The following ADGRV1 variants were observed in gnomAD, a reference collection of about 807,000 sequenced individuals.
ADGRV1 encodes adhesion G protein-coupled receptor V1.
ADGRV1 carries 359 observed loss-of-function variants against 596.2 expected under a neutral mutation model. The ratio of observed to expected loss-of-function variants is 0.60; its 90% CI spans 0.55 to 0.66. The LOEUF is 0.66. Ranked by LOEUF, ADGRV1 falls within the 30% of genes least tolerant of loss-of-function variation. ADGRV1 has a pLI of 0.00. For missense variants in ADGRV1, 7,274 were observed against 7,575.6 expected (o/e 0.96, Z 1.48); for synonymous variants, 2,681 against 2,679.2 (o/e 1.00, Z -0.02).
intron 70 of ADGRV1, chr5:90,791,738 A>AG (rs1221262665): frequency 6.1e-6 from 1 of 163,360 alleles, no homozygotes; most frequent in East Asian, 1.7e-4. Context: ...GCAATGAAAT[A>AG]GATTACATGA....
At chr5:90,988,875 G>A (rs1259826879) in intron 85 of ADGRV1, among the ~76,000 whole-genome samples, 17 of 143,096 alleles carry the variant, frequency 1.2e-4, no homozygotes, top group Admixed American at 2.3e-4. Context: ...CCACCTATGA[G>A]TAAGAACATG....
chr5:90,741,360 T>C (rs7725597), intron 50 of ADGRV1, among the ~76,000 whole-genome samples: 7,827 of 122,580 alleles, frequency 0.064, 675 homozygotes, highest in African/African-American at 0.23. Context: ...TCCTAAGATA[T>C]ACAACTTGAG....
intron 38 of ADGRV1, among the ~76,000 whole-genome samples, chr5:90,708,237 TTAA>T (rs1190988354): frequency 6.6e-6 from 1 of 152,162 alleles, no homozygotes; most frequent in African/African-American, 2.4e-5. Context: ...GGACTGGTGA[TTAA>T]TAATAATAGC....
At chr5:90,966,992 G>A (rs1048994988) in intron 84 of ADGRV1, among the ~76,000 whole-genome samples, 1 of 152,186 alleles carries the variant, frequency 6.6e-6, no homozygotes, top group African/African-American at 2.4e-5. Context: ...TGTGGGACTT[G>A]ATGATGTAGC....
At chr5:91,039,565 AG>A (rs1785169259) in intron 85 of ADGRV1, among the ~76,000 whole-genome samples, 1 of 152,192 alleles carries the variant, frequency 6.6e-6, no homozygotes, top group African/African-American at 2.4e-5. Flanking sequence ...CCACAAGAAG[AG>A]GGGATTTTAT....
chr5:90,592,208 C>A (rs1210193356), intron 1 of ADGRV1, among the ~76,000 whole-genome samples: 1 of 152,236 alleles, frequency 6.6e-6, no homozygotes, highest in Non-Finnish European at 1.5e-5. Context: ...AAATATGGAA[C>A]TAGCCCAAAT....
chr5:90,643,207 T>TG (rs1767224081), intron 13 of ADGRV1, among the ~76,000 whole-genome samples, 166 bp downstream of exon 13: 1 of 152,144 alleles, frequency 6.6e-6, no homozygotes, highest in East Asian at 1.9e-4. Context: ...GGTTTAAAAA[T>TG]GAAGACTCAT....
chr5:90,791,296 G>A lies in ADGRV1; in HGVS notation c.14467G>A (p.Val4823Ile), dbSNP rs1760048584. The change falls in exon 70 of 90, where the codon GTC (valine) becomes ATC (isoleucine). Residue 4823 changes from valine to isoleucine, a missense_variant. Physicochemically the swap from Val to Ile is conservative, Grantham distance 29. Coordinates refer to ENST00000405460, the MANE Select transcript of ADGRV1 (RefSeq NM_032119.4). ...CGAAAATGCAGAGAGGCAGCTGGTG[G>A]TCAAAGATGGTGCCACATATAAAGT... ...VTENAERQLV[V>I]KDGATYKVDV... The A allele has an allele frequency of 6.3e-7, 1 of 1,595,566 alleles. No homozygotes were observed. Among genetic ancestry groups the A allele is most frequent in the Non-Finnish European group, 8.5e-7 (1 of 1,170,460 alleles).
At chr5:90,867,672 T>C (rs1027816159) in intron 83 of ADGRV1, among the ~76,000 whole-genome samples, 15 of 152,210 alleles carry the variant, frequency 9.9e-5, no homozygotes, top group African/African-American at 3.4e-4. Context: ...TGGTTTCTGT[T>C]CCAGCAGCTT....
At chr5:91,013,549 T>C (rs1205401176) in intron 85 of ADGRV1, among the ~76,000 whole-genome samples, 1 of 152,130 alleles carries the variant, frequency 6.6e-6, no homozygotes, top group Non-Finnish European at 1.5e-5. Context: ...GCCCATTTTT[T>C]AGTGGGGTTG....
At chr5:90,720,702 A>G (rs1033850593) in intron 44 of ADGRV1, among the ~76,000 whole-genome samples, 2 of 152,108 alleles carry the variant, frequency 1.3e-5, no homozygotes, top group Non-Finnish European at 2.9e-5. Flanking sequence ...TTTTTCCTAT[A>G]AAGTGTTTTT....
At chr5:90,743,761 G>A (rs181913636) in intron 50 of ADGRV1, among the ~76,000 whole-genome samples, 20 of 152,018 alleles carry the variant, frequency 1.3e-4, no homozygotes, top group Admixed American at 3.3e-4. Context: ...ATGAGCCACC[G>A]TGCCCGGCCT....
chr5:90,565,383 C>G (rs1201404057), intron 1 of ADGRV1, among the ~76,000 whole-genome samples: 1 of 152,184 alleles, frequency 6.6e-6, no homozygotes, highest in Non-Finnish European at 1.5e-5. Context: ...AATCTATTTT[C>G]TATCTCTATA....
intron 70 of ADGRV1, among the ~76,000 whole-genome samples, chr5:90,801,288 G>A (rs1260312006): frequency 1.3e-5 from 2 of 152,038 alleles, no homozygotes; most frequent in South Asian, 2.1e-4. Context: ...TTTAATTACC[G>A]CTCCCTGGGG....
At chr5:90,566,084 T>C (rs2151946406) in intron 1 of ADGRV1, among the ~76,000 whole-genome samples, 1 of 152,292 alleles carries the variant, frequency 6.6e-6, no homozygotes, top group Middle Eastern at 3.4e-3. Context: ...TTATCAGATA[T>C]ATCATTTGCA....
chr5:90,614,683 A>AT (rs2152049918), intron 1 of ADGRV1, 152 bp from the exon 2 acceptor site: 1 of 701,606 alleles, frequency 1.4e-6, no homozygotes, highest in East Asian at 2.8e-5. Flanking sequence ...GTCGTCACAT[A>AT]TTTGAGTTTG....
At chr5:90,821,087 G>C (rs375799025) in intron 75 of ADGRV1, among the ~76,000 whole-genome samples, 8 of 151,996 alleles carry the variant, frequency 5.3e-5, no homozygotes, top group Non-Finnish European at 8.8e-5. Context: ...TCACATAGTC[G>C]CATATTTCTT....
chr5:90,721,138 A>G (rs912493192), intron 45 of ADGRV1, 79 bp downstream of exon 45: 46 of 1,241,762 alleles, frequency 3.7e-5, no homozygotes, highest in Non-Finnish European at 4.6e-5. Flanking sequence ...TTTTCCTTTG[A>G]ATTGTATGTT....
chr5:90,619,323 C>T (rs1763749654), intron 4 of ADGRV1, 142 bp downstream of exon 4: 1 of 445,856 alleles, frequency 2.2e-6, no homozygotes, highest in Non-Finnish European at 4.0e-6. Context: ...CCCTGTTTCA[C>T]ATTCTGTAGA....
Sources: gnomAD v4.1 joint callset for allele counts (sites outside exome capture counted in the v4.1 genomes callset) on GRCh38, gnomAD v4.1.1 for gene constraint, MANE v1.5 for transcripts, NCBI Gene and HGNC (gene_info 2026-07-23, HGNC 2026-07-21) for gene names.